The following CECR2 variants were observed in gnomAD, a reference collection of about 807,000 sequenced individuals.
CECR2 encodes the protein CECR2 histone acetyl-lysine reader.
Under a neutral mutation model 154.5 loss-of-function variants are expected in CECR2, and 30 were observed. The ratio of observed to expected loss-of-function variants is 0.19; its 90% CI spans 0.15 to 0.26. The LOEUF is 0.26. Ranked by LOEUF, CECR2 falls within the 10% of genes least tolerant of loss-of-function variation. CECR2 has a pLI of 1.00. For missense variants in CECR2, 1,743 were observed against 1,829.3 expected (o/e 0.95, Z 0.86); for synonymous variants, 725 against 683.7 (o/e 1.06, Z -0.94).
At chr22:17,449,146 T>C (rs1272036519) in intron 1 of CECR2, among the ~76,000 whole-genome samples, 9 of 152,174 alleles carry the variant, frequency 5.9e-5, no homozygotes, top group African/African-American at 2.2e-4. Context: ...CCCAAAGTGC[T>C]GGAATTACAG....
chr22:17,474,538 T>A (rs1287018161), intron 1 of CECR2, among the ~76,000 whole-genome samples: 4 of 152,232 alleles, frequency 2.6e-5, no homozygotes, highest in Non-Finnish European at 4.4e-5. Context: ...AAGGCACTCC[T>A]GACATTATTG....
rs1163829966 is a variant in CECR2 at position 17,383,077 on chromosome 22, T to G, written c.126+13168T>G. Among the ~76,000 whole-genome samples, 7 of 151,942 alleles carry G rather than the reference T, an allele frequency of 4.6e-5. No individual in the cohort carries two copies. In the East Asian group the frequency reaches 1.4e-3, roughly 29 times the overall value. Reference sequence around the variant, plus strand: ...CCATCTCTACTAAAAAATACAAAAATTAGCCGGGCACGGTGGCGGGCACCT... The same window carrying G: ...CCATCTCTACTAAAAAATACAAAAAGTAGCCGGGCACGGTGGCGGGCACCT... On this transcript the variant is annotated intron_variant, in intron 1 of 18. Coordinates refer to ENST00000262608, the MANE Select transcript of CECR2 (RefSeq NM_001290047.2).
intron 1 of CECR2, among the ~76,000 whole-genome samples, chr22:17,459,058 C>A (rs1442179877): frequency 1.3e-5 from 2 of 152,162 alleles, no homozygotes; most frequent in African/African-American, 4.8e-5. Context: ...TCCCTTCTTA[C>A]CCTAAGCACT....
At chr22:17,537,057 G>T in intron 9 of CECR2, 46 bp from the exon 10 acceptor site, 2 of 1,606,292 alleles carry the variant, frequency 1.2e-6, no homozygotes, top group Non-Finnish European at 1.7e-6. Context: ...CGCCATGTCA[G>T]TGTCTGGAGT....
At position 17,402,722 on chromosome 22, in the gene CECR2, A is replaced by G. The variant is rs550361742; in HGVS notation, c.126+32813A>G. Among the ~76,000 whole-genome samples the G allele has an allele frequency of 3.3e-5, 5 of 149,580 alleles. No homozygotes were observed. In the South Asian group the frequency reaches 6.5e-4, roughly 19 times the overall value. ...CTGTTTAGATTCCAACAGTTTCCCAATCTTTTCTTTTCTTTCTTTCTTTCT... is the reference window on the plus strand; with the variant it reads ...CTGTTTAGATTCCAACAGTTTCCCAGTCTTTTCTTTTCTTTCTTTCTTTCT... On this transcript the variant is annotated intron_variant, in intron 1 of 18. Coordinates refer to ENST00000262608, the MANE Select transcript of CECR2 (RefSeq NM_001290047.2).
intron 9 of CECR2, among the ~76,000 whole-genome samples, chr22:17,532,470 C>G (rs9604761): frequency 6.6e-6 from 1 of 152,048 alleles, no homozygotes; most frequent in South Asian, 2.1e-4. Flanking sequence ...GGCAGACCTT[C>G]TACTTGATGG....
At chr22:17,394,898 A>G (rs1479381314) in intron 1 of CECR2, among the ~76,000 whole-genome samples, 1 of 152,108 alleles carries the variant, frequency 6.6e-6, no homozygotes, top group Non-Finnish European at 1.5e-5. Flanking sequence ...TGTGAATAGA[A>G]TTGTCTTATT....
Position 17,497,509 on chromosome 22 carries a change from C to G in CECR2, c.328C>G (p.Leu110Val), listed in dbSNP as rs374467554. ...LREASFQDLPLRTRVEILHRL... is the reference protein window; with the variant it reads ...LREASFQDLPVRTRVEILHRL... ...GGAAGCCAGTTTCCAGGACCTGCCT[C>G]TTCGCACACGGGTGGAGATCCTGCA... Residue 110 changes from leucine to valine, a missense_variant, in exon 3 of 19, where the codon CTT becomes GTT. Physicochemically the swap from Leu to Val is conservative, Grantham distance 32. Around this residue, in one of 4 missense-constraint regions of CECR2, gnomAD observed 98 missense variants for 169.3 expected, o/e 0.58. Coordinates refer to ENST00000262608, the MANE Select transcript of CECR2 (RefSeq NM_001290047.2). 6.2e-7 allele frequency: 1 copy of G among 1,613,980 alleles called. No individual in the cohort carries two copies.
chr22:17,431,770 A>AT (rs538433402), intron 1 of CECR2, among the ~76,000 whole-genome samples: 6 of 67,866 alleles, frequency 8.8e-5, no homozygotes, highest in Non-Finnish European at 1.2e-4. Context: ...TATCCCTCGT[A>AT]TTTTTTTTTT....
At chr22:17,437,067 T>C (rs2054516696) in intron 1 of CECR2, among the ~76,000 whole-genome samples, 1 of 152,162 alleles carries the variant, frequency 6.6e-6, no homozygotes. Context: ...ACAAGTCTCT[T>C]GCTGCAGTCT....
intron 2 of CECR2, among the ~76,000 whole-genome samples, chr22:17,495,993 T>C (rs2146864746): frequency 6.6e-6 from 1 of 151,506 alleles, no homozygotes; most frequent in South Asian, 2.1e-4. Flanking sequence ...CTGGACAATA[T>C]AGTGAGACCC....
At chr22:17,519,572 TA>T (rs756666550) in intron 8 of CECR2, among the ~76,000 whole-genome samples, 10 of 152,076 alleles carry the variant, frequency 6.6e-5, no homozygotes, top group Non-Finnish European at 1.2e-4. Context: ...GTGTGCTTTA[TA>T]TATTGTTTGT....
At chr22:17,537,977 G>A (rs1017789535) in intron 10 of CECR2, among the ~76,000 whole-genome samples, 2 of 150,258 alleles carry the variant, frequency 1.3e-5, no homozygotes, top group African/African-American at 4.9e-5. Context: ...CTGGGTGACA[G>A]AGTGAGACTC....
chr22:17,537,262 G>A, intron 10 of CECR2, 30 bp downstream of exon 10: 6 of 1,610,704 alleles, frequency 3.7e-6, no homozygotes, highest in Non-Finnish European at 5.1e-6. Flanking sequence ...AACAACAGCA[G>A]TAGCAACTGG....
rs2147031541 is a variant in CECR2 at position 17,542,452 on chromosome 22, A to G, written c.2309A>G (p.His770Arg). Residue 770 changes from histidine to arginine, a missense_variant, in exon 16 of 19, where the codon CAC (histidine) becomes CGC (arginine). By Grantham distance (29) the His-to-Arg change is conservative. Coordinates refer to ENST00000262608, the MANE Select transcript of CECR2 (RefSeq NM_001290047.2). Reference protein sequence around the residue: ...YRSYKYLNRVHSAVWNGNHGA... With the variant: ...YRSYKYLNRVRSAVWNGNHGA... Reference sequence around the variant, plus strand: ...TCGTACAAGTACCTGAATCGAGTACACTCTGCCGTCTGGAATGGGAACCAT... The same window carrying G: ...TCGTACAAGTACCTGAATCGAGTACGCTCTGCCGTCTGGAATGGGAACCAT... 1 of 1,613,802 alleles carries G rather than the reference A, an allele frequency of 6.2e-7. No homozygotes were observed. The highest frequency in any genetic ancestry group is 1.6e-4 in the Middle Eastern group (1 of 6,062).
chr22:17,488,604 A>G (rs1425770928), intron 2 of CECR2, among the ~76,000 whole-genome samples: 3 of 152,086 alleles, frequency 2.0e-5, no homozygotes, highest in Admixed American at 1.3e-4. Context: ...CCTGTATGAT[A>G]TTCACCCATG....
intron 9 of CECR2, among the ~76,000 whole-genome samples, chr22:17,525,502 A>AG (rs1334261281): frequency 6.6e-6 from 1 of 151,968 alleles, no homozygotes; most frequent in African/African-American, 2.4e-5. Flanking sequence ...GCTACTCAGG[A>AG]GGATGAGGTG....
chr22:17,528,616 A>G (rs1024067334), intron 9 of CECR2, among the ~76,000 whole-genome samples: 3 of 151,830 alleles, frequency 2.0e-5, no homozygotes, highest in Admixed American at 6.6e-5. Flanking sequence ...TCTCACTGCA[A>G]CCTCCACTTC....
intron 1 of CECR2, among the ~76,000 whole-genome samples, chr22:17,423,506 CAAA>C (rs77498895): frequency 3.9e-4 from 56 of 143,720 alleles, no homozygotes; most frequent in African/African-American, 1.2e-3. Flanking sequence ...GACTCTGTCT[CAAA>C]AAAAAAAAAA....
Sources: gnomAD v4.1 joint callset for allele counts (sites outside exome capture counted in the v4.1 genomes callset) on GRCh38, gnomAD v4.1.1 for gene constraint, gnomAD v4.1.1 regional missense constraint, MANE v1.5 for transcripts, NCBI Gene and HGNC (gene_info 2026-07-23, HGNC 2026-07-21) for gene names.